The following CSMD1 variants were observed in gnomAD, a reference collection of about 807,000 sequenced individuals.
The protein encoded by CSMD1 is CUB and sushi domain-containing protein 1.
A neutral mutation model predicts 417.5 loss-of-function variants in CSMD1; 213 were observed. The ratio of observed to expected loss-of-function variants is 0.51; its 90% CI spans 0.46 to 0.57. CSMD1 has a LOEUF of 0.57. CSMD1 is among the 20% of genes least tolerant of loss of function. CSMD1 has a pLI of 0.00. For missense variants in CSMD1, 6,923 were observed against 4,529.7 expected (o/e 1.53, Z -15.17); for synonymous variants, 2,862 against 1,736.8 (o/e 1.65, Z -16.11).
intron 49 of CSMD1, among the ~76,000 whole-genome samples, chr8:3,075,754 T>C (rs1458595017): frequency 6.6e-6 from 1 of 151,820 alleles, no homozygotes; most frequent in Admixed American, 6.6e-5. Flanking sequence ...AAGTAAGAAA[T>C]ACATTGGCTG....
chr8:4,927,049 T>G (rs1279093562), intron 1 of CSMD1, among the ~76,000 whole-genome samples: 1 of 151,062 alleles, frequency 6.6e-6, no homozygotes, highest in South Asian at 2.1e-4. Flanking sequence ...GCATTCCTTT[T>G]AATGAAAAAA....
At chr8:3,477,911 C>G (rs951392823) in intron 11 of CSMD1, among the ~76,000 whole-genome samples, 1 of 152,084 alleles carries the variant, frequency 6.6e-6, no homozygotes, top group Non-Finnish European at 1.5e-5. Context: ...TGGAAAAGAG[C>G]AGGAATCTGA....
At chr8:3,569,315 G>T (rs1034417904) in intron 10 of CSMD1, among the ~76,000 whole-genome samples, 1 of 152,140 alleles carries the variant, frequency 6.6e-6, no homozygotes, top group Non-Finnish European at 1.5e-5. Context: ...CTAAGATTCC[G>T]CAAGTAATTA....
chr8:3,259,924 T>C (rs569715637), intron 26 of CSMD1, among the ~76,000 whole-genome samples: 63 of 152,186 alleles, frequency 4.1e-4, no homozygotes, highest in Non-Finnish European at 7.3e-4. Context: ...CATACATGCG[T>C]TGTCTGTAGC....
At chr8:4,813,768 T>C (rs1024078542) in intron 1 of CSMD1, among the ~76,000 whole-genome samples, 1 of 152,234 alleles carries the variant, frequency 6.6e-6, no homozygotes, top group Non-Finnish European at 1.5e-5. Context: ...CATTTTGGAG[T>C]AATTTTACTG....
chr8:3,428,622 C>T (rs543850706), intron 12 of CSMD1, among the ~76,000 whole-genome samples: 3 of 152,260 alleles, frequency 2.0e-5, no homozygotes, highest in Non-Finnish European at 4.4e-5. Flanking sequence ...GAACTTAGTA[C>T]AGCCACCATG....
At chr8:4,185,615 G>T (rs184420622) in intron 3 of CSMD1, among the ~76,000 whole-genome samples, 1 of 152,080 alleles carries the variant, frequency 6.6e-6, no homozygotes, top group African/African-American at 2.4e-5. Context: ...TTATGAAATT[G>T]CACGTTATTT....
At position 4,361,769 on chromosome 8, in the gene CSMD1, C is replaced by T. The variant is rs572320610; in HGVS notation, c.415+58184G>A. On this transcript the variant is annotated intron_variant, in intron 3 of 69. Transcript: ENST00000635120. ...AGGAGATCGAGACCATCCTGGCTAA[C>T]ACGGTGAAACCCCATCTCTACTAAA... Among the ~76,000 whole-genome samples, 206 of 152,218 alleles carry T rather than the reference C, an allele frequency of 1.4e-3. 2 individuals carry two copies. Among genetic ancestry groups the T allele is most frequent in the African/African-American group, 4.6e-3 (189 of 41,532 alleles).
At chr8:3,318,283 T>G (rs1805913575) in intron 23 of CSMD1, among the ~76,000 whole-genome samples, 1 of 152,170 alleles carries the variant, frequency 6.6e-6, no homozygotes, top group African/African-American at 2.4e-5. Context: ...ATGAAAAAAG[T>G]AATGAAAAAA....
At chr8:4,627,379 T>C (rs1205835744) in intron 2 of CSMD1, among the ~76,000 whole-genome samples, 1 of 152,172 alleles carries the variant, frequency 6.6e-6, no homozygotes, top group African/African-American at 2.4e-5. Context: ...CTTTATTGCA[T>C]ATTAATATGG....
intron 52 of CSMD1, among the ~76,000 whole-genome samples, chr8:3,014,783 G>A (rs1422844043): frequency 2.0e-5 from 3 of 152,128 alleles, no homozygotes; most frequent in African/African-American, 4.8e-5. Flanking sequence ...TGGGCATGCT[G>A]CTGTGCACTG....
intron 50 of CSMD1, among the ~76,000 whole-genome samples, chr8:3,041,231 T>A (rs1216219916): frequency 6.6e-6 from 1 of 152,198 alleles, no homozygotes; most frequent in East Asian, 1.9e-4. Context: ...TCTCAAATAT[T>A]ATTTTAACAG....
intron 2 of CSMD1, among the ~76,000 whole-genome samples, chr8:4,451,043 G>T (rs910273312): frequency 6.6e-6 from 1 of 152,060 alleles, no homozygotes; most frequent in Non-Finnish European, 1.5e-5. Flanking sequence ...GGAATTTAGT[G>T]AATTCTGCAC....
intron 6 of CSMD1, among the ~76,000 whole-genome samples, chr8:3,746,167 G>T (rs902171915): frequency 6.6e-6 from 1 of 152,208 alleles, no homozygotes; most frequent in Non-Finnish European, 1.5e-5. Flanking sequence ...GCAGCTCAGG[G>T]CTGATACGCT....
chr8:3,993,617 C>G (rs1159967054), intron 5 of CSMD1, among the ~76,000 whole-genome samples: 2 of 152,196 alleles, frequency 1.3e-5, no homozygotes, highest in Admixed American at 1.3e-4. Context: ...AACTTCCATA[C>G]ACCAGATAGG....
At chr8:3,782,918 G>A (rs1769169189) in intron 5 of CSMD1, among the ~76,000 whole-genome samples, 1 of 152,128 alleles carries the variant, frequency 6.6e-6, no homozygotes, top group South Asian at 2.1e-4. Flanking sequence ...ATAAAACTGT[G>A]GTTAAAAATA....
chr8:3,914,321 A>AACTT (rs1349706429), intron 5 of CSMD1, among the ~76,000 whole-genome samples: 6 of 152,012 alleles, frequency 3.9e-5, no homozygotes. Flanking sequence ...AACGAGGAAG[A>AACTT]GAATGGGGCC....
chr8:4,134,648 T>C (rs1195897936), intron 3 of CSMD1, among the ~76,000 whole-genome samples: 2 of 152,204 alleles, frequency 1.3e-5, no homozygotes, highest in Non-Finnish European at 2.9e-5. Context: ...ACCTTTAAAA[T>C]ATATCTAGAA....
At chr8:3,657,711 G>T (rs1388205196) in intron 7 of CSMD1, among the ~76,000 whole-genome samples, 1 of 152,120 alleles carries the variant, frequency 6.6e-6, no homozygotes, top group East Asian at 1.9e-4. Flanking sequence ...AGGGGGCTAG[G>T]GGAGGGGTAG....
Sources: gnomAD v4.1 joint callset for allele counts (sites outside exome capture counted in the v4.1 genomes callset) on GRCh38, gnomAD v4.1.1 for gene constraint, MANE v1.5 for transcripts, NCBI Gene and HGNC (gene_info 2026-07-23, HGNC 2026-07-21) for gene names.